The following ZCWPW2 variants were observed in gnomAD, a reference collection of about 807,000 sequenced individuals.
ZCWPW2 encodes the protein zinc finger CW-type and PWWP domain containing 2, also known as zinc finger CW-type PWWP domain protein 2.
ZCWPW2 carries 45 observed loss-of-function variants against 46.6 expected under a neutral mutation model. That is an observed-to-expected ratio of 0.96 (90% CI 0.76 to 1.24). The LOEUF is 1.24. Among genes scored for constraint, ZCWPW2 ranks in the 50% most tolerant of loss-of-function variants. The probability of loss-of-function intolerance (pLI) is 0.00; values close to 1 mark genes in which losing one functional copy is unlikely to be tolerated. For missense variants in ZCWPW2, 429 were observed against 403.9 expected (o/e 1.06, Z -0.53); for synonymous variants, 152 against 137.1 (o/e 1.11, Z -0.76).
intron 1 of ZCWPW2, among the ~76,000 whole-genome samples, chr3:28,349,582 C>T (rs1379225583): frequency 6.6e-6 from 1 of 152,174 alleles, no homozygotes; most frequent in Non-Finnish European, 1.5e-5. Context: ...TTGCGCCCGG[C>T]TTCCCTGGAG....
intron 1 of ZCWPW2, among the ~76,000 whole-genome samples, chr3:28,366,369 G>A (rs1166949142): frequency 9.9e-6 from 1 of 100,682 alleles, no homozygotes; most frequent in Non-Finnish European, 2.0e-5. Context: ...GTTGAATTTT[G>A]TCAAAGGCCT....
intron 3 of ZCWPW2, among the ~76,000 whole-genome samples, chr3:28,429,021 G>A (rs1299457217): frequency 1.3e-5 from 2 of 152,150 alleles, no homozygotes; most frequent in Non-Finnish European, 2.9e-5. Context: ...AGAGTGGGCT[G>A]CTGCTATAAG....
At chr3:28,465,685 A>G (rs1420580516) in intron 4 of ZCWPW2, among the ~76,000 whole-genome samples, 1 of 152,210 alleles carries the variant, frequency 6.6e-6, no homozygotes, top group African/African-American at 2.4e-5. Flanking sequence ...CCCACACAAG[A>G]AAGGAAGAAG....
At chr3:28,435,821 A>G (rs1288072526) in intron 4 of ZCWPW2, among the ~76,000 whole-genome samples, 1 of 152,178 alleles carries the variant, frequency 6.6e-6, no homozygotes, top group Non-Finnish European at 1.5e-5. Context: ...TATAATAAAA[A>G]TCAACTGAAG....
chr3:28,490,453 A>C (rs979352683), intron 5 of ZCWPW2, among the ~76,000 whole-genome samples: 1 of 152,148 alleles, frequency 6.6e-6, no homozygotes, highest in African/African-American at 2.4e-5. Context: ...GATAAAGAAA[A>C]TATGGTACAT....
At chr3:28,408,765 A>G (rs910629325) in intron 2 of ZCWPW2, among the ~76,000 whole-genome samples, 2 of 152,136 alleles carry the variant, frequency 1.3e-5, no homozygotes, top group Non-Finnish European at 1.5e-5. Flanking sequence ...TCCTTGAATG[A>G]ACTCGTTATT....
At chr3:28,361,250 A>G (rs1046803622) in intron 1 of ZCWPW2, among the ~76,000 whole-genome samples, 2 of 152,162 alleles carry the variant, frequency 1.3e-5, no homozygotes, top group African/African-American at 4.8e-5. Flanking sequence ...TATCTTCAAC[A>G]AAGATGCCAG....
intron 4 of ZCWPW2, among the ~76,000 whole-genome samples, chr3:28,465,130 G>A (rs948969445): frequency 6.6e-6 from 1 of 152,000 alleles, no homozygotes. Context: ...AAACAGCTTT[G>A]TTTCCTTTGC....
chr3:28,479,191 C>T (rs1295312750), intron 5 of ZCWPW2, among the ~76,000 whole-genome samples: 4 of 151,860 alleles, frequency 2.6e-5, no homozygotes, highest in Admixed American at 2.0e-4. Flanking sequence ...TCTTCTTTAC[C>T]GTTAGACTGT....
intron 4 of ZCWPW2, among the ~76,000 whole-genome samples, chr3:28,446,385 G>A (rs1422144582): frequency 6.6e-6 from 1 of 151,892 alleles, no homozygotes; most frequent in African/African-American, 2.4e-5. Context: ...AGAATTTGTG[G>A]GAATTGAACA....
At chr3:28,512,663 T>C (rs1466078242) in intron 6 of ZCWPW2, among the ~76,000 whole-genome samples, 1 of 152,182 alleles carries the variant, frequency 6.6e-6, no homozygotes, top group Non-Finnish European at 1.5e-5. Context: ...GATTTGGCGA[T>C]CTCATCAAAT....
chr3:28,422,407 A>G (rs1230331008), intron 3 of ZCWPW2, among the ~76,000 whole-genome samples: 1 of 152,110 alleles, frequency 6.6e-6, no homozygotes, highest in Non-Finnish European at 1.5e-5. Context: ...CTTGGTGACC[A>G]TTTATCTTTC....
At chr3:28,412,647 A>T (rs188802675) in intron 2 of ZCWPW2, among the ~76,000 whole-genome samples, 1 of 152,024 alleles carries the variant, frequency 6.6e-6, no homozygotes, top group Admixed American at 6.6e-5. Flanking sequence ...TGTTGGGAAG[A>T]CTATATGAGC....
intron 8 of ZCWPW2, among the ~76,000 whole-genome samples, chr3:28,519,435 T>G (rs1700661029): frequency 6.6e-6 from 1 of 152,200 alleles, no homozygotes; most frequent in African/African-American, 2.4e-5. Flanking sequence ...AAGATGAACT[T>G]GTGTTATGAA....
intron 1 of ZCWPW2, among the ~76,000 whole-genome samples, chr3:28,384,100 G>A (rs1254274881): frequency 1.3e-5 from 2 of 152,118 alleles, no homozygotes; most frequent in East Asian, 3.9e-4. Flanking sequence ...TTAAATTTGG[G>A]TAATACATTT....
At chr3:28,363,957 C>T (rs896029986) in intron 1 of ZCWPW2, among the ~76,000 whole-genome samples, 7 of 152,150 alleles carry the variant, frequency 4.6e-5, no homozygotes, top group African/African-American at 1.7e-4. Flanking sequence ...TGTGATCTGT[C>T]AGACTTACTC....
intron 1 of ZCWPW2, 55 bp downstream of exon 1, chr3:28,349,258 G>T (rs902706527): frequency 2.1e-6 from 2 of 948,374 alleles, no homozygotes. Context: ...CTTCAGGGGC[G>T]CCCTCTGGTG....
Position 28,363,862 on chromosome 3 carries a change from C to G in ZCWPW2, c.-134+14659C>G, listed in dbSNP as rs142852966. On this transcript the variant is annotated intron_variant, in intron 1 of 9. Transcript: ENST00000383768. The stretch of plus-strand genomic sequence containing the variant: ...TCCCTCTGCCTCCTGACTGATCCTA[C>G]TCCTTCCTCATCTAGCCCTCTGTGG... Among the ~76,000 whole-genome samples the G allele has an allele frequency of 2.5e-3, 386 of 152,290 alleles. 1 individual carries two copies. The highest frequency in any genetic ancestry group is 8.4e-3 in the African/African-American group (350 of 41,582).
intron 1 of ZCWPW2, among the ~76,000 whole-genome samples, chr3:28,354,369 C>T (rs1704658268): frequency 7.7e-6 from 1 of 129,158 alleles, no homozygotes; most frequent in East Asian, 2.0e-4. Context: ...AAGAGCCTAC[C>T]AATGAACAAA....
Sources: allele counts gnomAD v4.1 joint callset (sites outside exome capture counted in the v4.1 genomes callset), GRCh38; gene constraint gnomAD v4.1.1; transcripts MANE v1.5; gene names NCBI Gene and HGNC (gene_info 2026-07-23, HGNC 2026-07-21).